The following MKLN1 variants were observed in gnomAD, a reference collection of about 807,000 sequenced individuals.
The protein encoded by MKLN1 is muskelin 1.
In MKLN1, 18 loss-of-function variants were observed where a neutral mutation model predicts 99.0. The ratio of observed to expected loss-of-function variants is 0.18; its 90% CI spans 0.13 to 0.27. MKLN1 has a LOEUF of 0.27. MKLN1 is among the 10% of genes least tolerant of loss of function. The pLI, the probability that MKLN1 is intolerant of heterozygous loss-of-function variation, is 1.00. For missense variants in MKLN1, 621 were observed against 875.9 expected, an observed-to-expected ratio of 0.71 and a Z score of 3.67; for synonymous variants, 288 against 293.2, an observed-to-expected ratio of 0.98 and a Z score of 0.18.
chr7:131,159,292 A>T (rs1048956681), intron 2 of MKLN1, among the ~76,000 whole-genome samples: 2 of 152,202 alleles, frequency 1.3e-5, no homozygotes, highest in Non-Finnish European at 2.9e-5. Context: ...TCTATCACAC[A>T]AGCTAAGTGT....
chr7:131,259,931 A>G lies in MKLN1; in HGVS notation c.-179+56957A>G, dbSNP rs567249025. Among the ~76,000 whole-genome samples the G allele has an allele frequency of 7.9e-5, 12 of 152,346 alleles. No individual in the cohort carries two copies. The South Asian group carries it at 2.1e-3, about 26-fold the overall frequency. On this transcript the variant is annotated intron_variant, in intron 3 of 7. Coordinates refer to the MKLN1 transcript ENST00000416992. Reference sequence around the variant, plus strand: ...CAAATTATTGCTCTTTGTAGACAATATAATTCTATATCTATAAAACCCCAT... The same window carrying G: ...CAAATTATTGCTCTTTGTAGACAATGTAATTCTATATCTATAAAACCCCAT...
At chr7:131,419,246 A>ATATATT (rs1554571573) in intron 8 of MKLN1, among the ~76,000 whole-genome samples, 1 of 107,306 alleles carries the variant, frequency 9.3e-6, no homozygotes, top group Non-Finnish European at 2.0e-5. Flanking sequence ...ATATATATAT[A>ATATATT]TTTTTGTTTT....
intron 1 of MKLN1, among the ~76,000 whole-genome samples, chr7:131,356,964 GGAAGGAAAGGAAA>G (rs780274438): frequency 6.6e-6 from 1 of 152,058 alleles, no homozygotes; most frequent in Non-Finnish European, 1.5e-5. Context: ...AGTAAGGAAA[GGAAGGAAAGGAAA>G]GAAGGAAAGT....
chr7:131,150,249 C>T (rs1402300993), intron 2 of MKLN1, among the ~76,000 whole-genome samples: 5 of 152,164 alleles, frequency 3.3e-5, no homozygotes, highest in Non-Finnish European at 7.3e-5. Context: ...ACTGCGTGAC[C>T]TTGAGCAAGC....
chr7:131,482,117 G>A (rs2116690845), intron 17 of MKLN1, among the ~76,000 whole-genome samples: 1 of 152,306 alleles, frequency 6.6e-6, no homozygotes, highest in Admixed American at 6.5e-5. Context: ...ATGAATTGGA[G>A]CAATTAAACT....
Position 131,174,999 on chromosome 7 carries a change from ATAGATAGATAGG to A in MKLN1, c.-296-27857_-296-27846del, listed in dbSNP as rs1380363009. The stretch of plus-strand genomic sequence containing the variant: ...GATAGATAGATAGATAGATAGATAG[ATAGATAGATAGG>A]GTGGGTATATAGATAGGCAGATGGA... On this transcript the variant is annotated intron_variant, in intron 2 of 7. Coordinates refer to the MKLN1 transcript ENST00000416992. Among the ~76,000 whole-genome samples the A allele has an allele frequency of 4.3e-5, 6 of 138,534 alleles. No homozygotes were observed. The South Asian group carries it at 8.9e-4, about 21-fold the overall frequency. 90.9% of individuals were successfully genotyped at this position (138,534 alleles called of 152,430 possible).
At chr7:131,203,346 C>A (rs1456151456) in intron 3 of MKLN1, among the ~76,000 whole-genome samples, 1 of 152,114 alleles carries the variant, frequency 6.6e-6, no homozygotes. Flanking sequence ...CCTTCATGAT[C>A]TAAGTAATTC....
At chr7:131,157,322 C>T (rs1795984243) in intron 2 of MKLN1, among the ~76,000 whole-genome samples, 1 of 152,174 alleles carries the variant, frequency 6.6e-6, no homozygotes, top group Admixed American at 6.5e-5. Flanking sequence ...CACCTGAACC[C>T]AGGAGGTCAA....
At chr7:131,368,389 A>G (rs1023907385) in intron 1 of MKLN1, among the ~76,000 whole-genome samples, 1 of 152,200 alleles carries the variant, frequency 6.6e-6, no homozygotes. Flanking sequence ...TCACACTGTT[A>G]TAAAGAACTA....
intron 17 of MKLN1, among the ~76,000 whole-genome samples, chr7:131,483,359 T>TAC (rs1330145697): frequency 6.6e-6 from 1 of 152,198 alleles, no homozygotes; most frequent in East Asian, 1.9e-4. Context: ...AATACATCTT[T>TAC]ACACACACAC....
chr7:131,176,819 G>A (rs757327727), intron 2 of MKLN1, among the ~76,000 whole-genome samples: 2 of 152,170 alleles, frequency 1.3e-5, no homozygotes, highest in African/African-American at 2.4e-5. Context: ...AGGCCCATTC[G>A]AGAAAAGCTA....
intron 12 of MKLN1, among the ~76,000 whole-genome samples, chr7:131,457,547 T>G (rs1176754632): frequency 1.3e-5 from 2 of 151,548 alleles, no homozygotes; most frequent in East Asian, 3.9e-4. Flanking sequence ...GAAAATAGAG[T>G]AGAGAAACTA....
intron 2 of MKLN1, among the ~76,000 whole-genome samples, chr7:131,157,730 GT>G (rs1168100805): frequency 1.6e-4 from 25 of 152,038 alleles, no homozygotes; most frequent in Admixed American, 1.5e-3. Context: ...CTCATCAGTT[GT>G]TTTTTTCCTA....
At chr7:131,194,549 A>G (rs1047239927) in intron 2 of MKLN1, among the ~76,000 whole-genome samples, 1 of 152,230 alleles carries the variant, frequency 6.6e-6, no homozygotes, top group Admixed American at 6.5e-5. Flanking sequence ...TTAAATCCAT[A>G]TGCTTGAGAT....
intron 7 of MKLN1, 71 bp from the exon 8 acceptor site, chr7:131,414,572 CTT>C (rs1205927969): frequency 2.4e-5 from 25 of 1,043,936 alleles, no homozygotes; most frequent in South Asian, 1.4e-4. Context: ...TGATTACAGA[CTT>C]ATGAATAAAT....
chr7:131,426,891 A>G (rs541529926), intron 8 of MKLN1, among the ~76,000 whole-genome samples: 32 of 152,048 alleles, frequency 2.1e-4, no homozygotes, highest in African/African-American at 7.5e-4. Context: ...AGTAGCTGGG[A>G]TTACAGATGT....
Position 131,192,494 on chromosome 7 carries a change from T to C in MKLN1, c.-296-10363T>C, listed in dbSNP as rs562832402. 2.1e-3 allele frequency among the ~76,000 whole-genome samples: 266 copies of C among 124,918 alleles called. 1 individual carries two copies. Among genetic ancestry groups the C allele is most frequent in the African/African-American group, 8.4e-3 (252 of 30,048 alleles). 82.0% of individuals were successfully genotyped at this position (124,918 alleles called of 152,430 possible). On this transcript the variant is annotated intron_variant, in intron 2 of 7. Transcript: ENST00000416992. Reference sequence around the variant, plus strand: ...TAAATATACAATATATAAATATATATAATATATACACATATAAATATAAAT... The same window carrying C: ...TAAATATACAATATATAAATATATACAATATATACACATATAAATATAAAT...
At chr7:131,296,337 A>G (rs1177001995) in intron 3 of MKLN1, among the ~76,000 whole-genome samples, 1 of 152,234 alleles carries the variant, frequency 6.6e-6, no homozygotes, top group Non-Finnish European at 1.5e-5. Flanking sequence ...TATTTCTGCT[A>G]TATTACTAAA....
chr7:131,132,222 G>A (rs933091602), intron 1 of MKLN1, among the ~76,000 whole-genome samples: 26 of 152,338 alleles, frequency 1.7e-4, no homozygotes, highest in African/African-American at 5.3e-4. Flanking sequence ...TGAGTCAGCA[G>A]TGTGGCTGTG....
Sources: allele counts gnomAD v4.1 joint callset (sites outside exome capture counted in the v4.1 genomes callset), GRCh38; gene constraint gnomAD v4.1.1; transcripts MANE v1.5; gene names NCBI Gene and HGNC (gene_info 2026-07-23, HGNC 2026-07-21).